Variants in OR2T6 observed in about 807,000 individuals in gnomAD.
The protein encoded by OR2T6 is olfactory receptor 2T6.
For synonymous variants in OR2T6, 174 were observed against 148.0 expected, an observed-to-expected ratio of 1.18 and a Z score of -1.27; for missense variants, 424 against 391.6, an observed-to-expected ratio of 1.08 and a Z score of -0.70.
Position 248,382,532 on chromosome 1 carries a change from C to CTTTTTTTTTTTTTTTTTTTTTTTTT in OR2T6, c.-158-2176_-158-2175insTTTTTTTTTTTTTTTTTTTTTTTTT, listed in dbSNP as rs773197375. Among the ~76,000 whole-genome samples, 6 of 117,288 alleles carry CTTTTTTTTTTTTTTTTTTTTTTTTT rather than the reference C, an allele frequency of 5.1e-5. 2 individuals are homozygous for CTTTTTTTTTTTTTTTTTTTTTTTTT. The highest frequency in any genetic ancestry group is 1.8e-4 in the Admixed American group (2 of 10,830). 76.9% of individuals were successfully genotyped at this position (117,288 alleles called of 152,430 possible). A position where few individuals can be genotyped will look rare whatever the true frequency, so the allele number is the denominator to read the frequency against. On this transcript the variant is annotated intron_variant, in intron 1 of 2. Coordinates refer to ENST00000641644, the MANE Select transcript of OR2T6 (RefSeq NM_001005471.2). Reference sequence around the variant, plus strand: ...CAATACTCCATGTCTACCTTTCTTTCTTTCTTTTTTTTTTTTTTTAGATGG... The same window carrying CTTTTTTTTTTTTTTTTTTTTTTTTT: ...CAATACTCCATGTCTACCTTTCTTTCTTTTTTTTTTTTTTTTTTTTTTTTTTTTCTTTTTTTTTTTTTTTAGATGG...
Position 248,388,066 on chromosome 1 carries a change from C to CT in OR2T6, c.461dup (p.Leu154PhefsTer27). The CT allele has an allele frequency of 6.2e-7, 1 of 1,614,004 alleles. No homozygotes were observed. The highest frequency in any genetic ancestry group is 8.5e-7 in the Non-Finnish European group (1 of 1,179,992). ...CTGGCCAGCTCTTGGTTCGGTGGGG[C>CT]TTTGGACAGTTTTCTCCTCACCCCC... On this transcript the variant is annotated frameshift_variant, in exon 3 of 3. Coordinates refer to ENST00000641644, the MANE Select transcript of OR2T6 (RefSeq NM_001005471.2). LOFTEE classifies it low-confidence loss of function (END_TRUNC).
chr1:248,380,800 A>T (rs923377491), intron 1 of OR2T6, among the ~76,000 whole-genome samples: 1 of 148,586 alleles, frequency 6.7e-6, no homozygotes, highest in Admixed American at 6.7e-5. Context: ...AAAAAAAAAG[A>T]GATTGTCCTA....
intron 1 of OR2T6, among the ~76,000 whole-genome samples, chr1:248,379,382 C>T (rs925020733): frequency 6.6e-6 from 1 of 152,116 alleles, no homozygotes; most frequent in African/African-American, 2.4e-5. Context: ...GCTCCTGAGT[C>T]AGGCTATTTT....
At chr1:248,381,562 T>C (rs1337842038) in intron 1 of OR2T6, among the ~76,000 whole-genome samples, 3 of 152,190 alleles carry the variant, frequency 2.0e-5, no homozygotes, top group South Asian at 4.1e-4. Context: ...TTTGCATGTA[T>C]AGTATTAGCA....
intron 1 of OR2T6, among the ~76,000 whole-genome samples, chr1:248,377,596 C>T (rs755180585): frequency 1.2e-4 from 19 of 152,230 alleles, no homozygotes; most frequent in African/African-American, 3.6e-4. Context: ...TGTCAGAGCG[C>T]GTCACAGAAA....
Position 248,388,604 on chromosome 1 carries a change from T to TG in OR2T6, c.*73dup. 3 of 1,215,256 alleles carry TG rather than the reference T, an allele frequency of 2.5e-6. No homozygotes were observed. The South Asian group carries it at 4.6e-5, about 19-fold the overall frequency. The allele number at this position is 1,215,256 out of a possible 1,614,324, so 75.3% of individuals were successfully genotyped here. ...CCTCCACATCCTGTTCAGGCATATA[T>TG]GGGGTCGTATCATGGATACCACGGA... is the stretch of plus-strand genomic sequence containing the variant. On this transcript the variant is annotated 3_prime_UTR_variant, in exon 3 of 3. Transcript: ENST00000641644.
chr1:248,388,761 ATTC>A lies in OR2T6; in HGVS notation c.*232_*234del, dbSNP rs551605782. On this transcript the variant is annotated 3_prime_UTR_variant, in exon 3 of 3. Coordinates refer to ENST00000641644, the MANE Select transcript of OR2T6 (RefSeq NM_001005471.2). ...AGTTCTAGAAACACCACTCATGTTTATTCTTCTTTTGTTTCTACTGATTCCAAG... is the reference window on the plus strand; with the variant it reads ...AGTTCTAGAAACACCACTCATGTTTATTCTTTTGTTTCTACTGATTCCAAG... 75 of 442,302 alleles carry A rather than the reference ATTC, an allele frequency of 1.7e-4. No homozygotes were observed. Among genetic ancestry groups the A allele is most frequent in the African/African-American group, 1.3e-3 (68 of 50,964 alleles). 27.4% of individuals were successfully genotyped at this position (442,302 alleles called of 1,614,324 possible).
rs750014817 is a variant in OR2T6 at position 248,387,998 on chromosome 1, G to A, written c.390G>A (p.Leu130=). 1.1e-5 allele frequency: 17 copies of A among 1,612,242 alleles called. No homozygotes were observed. The highest frequency in any genetic ancestry group is 1.4e-5 in the Non-Finnish European group (17 of 1,179,074). The change falls in exon 3 of 3, where the codon CTG becomes CTA. Residue 130 remains leucine (L), a synonymous_variant. Coordinates refer to ENST00000641644, the MANE Select transcript of OR2T6 (RefSeq NM_001005471.2). ...GCTACGTGGCCATCTGCAACCCACT[G>A]CGCTATCCTGTCCTCATCAGCTGGC... is the stretch of plus-strand genomic sequence containing the variant. ...YDRYVAICNP[L]RYPVLISWRV... is the part of the protein sequence containing the mutation.
intron 1 of OR2T6, among the ~76,000 whole-genome samples, chr1:248,381,207 C>T (rs1262442219): frequency 1.3e-5 from 2 of 151,758 alleles, no homozygotes; most frequent in East Asian, 1.9e-4. Context: ...ATTTTAATAC[C>T]AGTAACTGAT....
Position 248,388,347 on chromosome 1 carries a change from G to C in OR2T6, c.739G>C (p.Val247Leu), listed in dbSNP as rs1218675147. ...AFATCSSHMMVVTLFYGAALY... is the reference protein window; with the variant it reads ...AFATCSSHMMLVTLFYGAALY... Reference sequence around the variant, plus strand: ...TGCCACCTGCTCTTCACACATGATGGTGGTGACATTGTTCTATGGGGCTGC... The same window carrying C: ...TGCCACCTGCTCTTCACACATGATGCTGGTGACATTGTTCTATGGGGCTGC... The change falls in exon 3 of 3, where the codon GTG becomes CTG. Residue 247 changes from valine (V) to leucine (L), a missense_variant. Physicochemically the swap from Val to Leu is conservative, Grantham distance 32 (BLOSUM62 1). Coordinates refer to ENST00000641644, the MANE Select transcript of OR2T6 (RefSeq NM_001005471.2). The C allele has an allele frequency of 4.3e-6, 7 of 1,613,446 alleles. No homozygotes were observed. In the African/African-American group the frequency reaches 8.0e-5, roughly 18 times the overall value.
chr1:248,387,919 A>G lies in OR2T6; in HGVS notation c.311A>G (p.Tyr104Cys). 6.2e-7 allele frequency: 1 copy of G among 1,605,116 alleles called. No individual in the cohort carries two copies. The highest frequency in any genetic ancestry group is 8.5e-7 in the Non-Finnish European group (1 of 1,175,990). The part of the protein sequence containing the change: ...FIACTAQCFL[Y>C]MGFMGAEFFL... Reference sequence around the variant, plus strand: ...GCCTGCACTGCTCAGTGCTTTCTCTACATGGGCTTTATGGGGGCTGAATTC... The same window carrying G: ...GCCTGCACTGCTCAGTGCTTTCTCTGCATGGGCTTTATGGGGGCTGAATTC... Residue 104 changes from tyrosine (Y) to cysteine (C), a missense_variant, in exon 3 of 3, where the codon TAC becomes TGC. Transcript: ENST00000641644.
rs763446327 is a variant in OR2T6 at position 248,387,599 on chromosome 1, A to G, written c.-4-6A>G. 2 of 1,543,806 alleles carry G rather than the reference A, an allele frequency of 1.3e-6. No homozygotes were observed. The highest frequency in any genetic ancestry group is 1.8e-6 in the Non-Finnish European group (2 of 1,134,928). ...TTCTCTTCTTATGCCTCCATTTCAA[A>G]CTCAGTACCATGAATGAAAACAATG... is the stretch of plus-strand genomic sequence containing the variant. On this transcript the variant is annotated splice_region_variant and splice_polypyrimidine_tract_variant and intron_variant, in intron 2 of 2. Coordinates refer to ENST00000641644, the MANE Select transcript of OR2T6 (RefSeq NM_001005471.2).
In OR2T6 at chr1:248,389,923, G is replaced by A. The variant is rs1661220309; in HGVS notation, c.*1388G>A. The A allele has an allele frequency of 2.0e-5, 3 of 152,142 alleles. No individual in the cohort carries two copies. In the South Asian group the frequency reaches 6.2e-4, roughly 32 times the overall value. 9.4% of individuals were successfully genotyped at this position (152,142 alleles called of 1,614,324 possible). A position where few individuals can be genotyped will look rare whatever the true frequency, so the allele number is the denominator to read the frequency against. ...TGGTCCACTGGTCTTGCAAGAAAGA[G>A]TCTCTGAGGTGGCAGAGACTTCAGC... On this transcript the variant is annotated 3_prime_UTR_variant, in exon 3 of 3. Coordinates refer to ENST00000641644, the MANE Select transcript of OR2T6 (RefSeq NM_001005471.2).
chr1:248,380,040 A>T (rs1661005144), intron 1 of OR2T6, among the ~76,000 whole-genome samples: 1 of 151,892 alleles, frequency 6.6e-6, no homozygotes, highest in Non-Finnish European at 1.5e-5. Context: ...TATGCATTAT[A>T]TCTACTTATA....
intron 2 of OR2T6, among the ~76,000 whole-genome samples, chr1:248,387,386 A>G (rs78752011): frequency 0.045 from 6,818 of 152,286 alleles, 520 homozygotes; most frequent in African/African-American, 0.15. Flanking sequence ...ACATTCATTC[A>G]TCTTCATCCC....
chr1:248,381,196 C>A (rs1661023937), intron 1 of OR2T6, among the ~76,000 whole-genome samples: 1 of 151,792 alleles, frequency 6.6e-6, no homozygotes, highest in Non-Finnish European at 1.5e-5. Flanking sequence ...TCTTTTAACT[C>A]ATTTTAATAC....
Position 248,388,013 on chromosome 1 carries a change from C to T in OR2T6, c.405C>T (p.Leu135=). The change falls in exon 3 of 3, where the codon CTC becomes CTT. Residue 135 remains leucine (L), a synonymous_variant. Coordinates refer to ENST00000641644, the MANE Select transcript of OR2T6 (RefSeq NM_001005471.2). ...AICNPLRYPV[L]ISWRVCWMIL... is the part of the protein sequence containing the mutation. ...GCAACCCACTGCGCTATCCTGTCCTCATCAGCTGGCGGGTCTGCTGGATGA... is the reference window on the plus strand; with the variant it reads ...GCAACCCACTGCGCTATCCTGTCCTTATCAGCTGGCGGGTCTGCTGGATGA... 1 of 1,613,300 alleles carries T rather than the reference C, an allele frequency of 6.2e-7. No homozygotes were observed. The highest frequency in any genetic ancestry group is 8.5e-7 in the Non-Finnish European group (1 of 1,179,594).
rs754929190 is a variant in OR2T6, at chr1:248,387,802, A to G, written c.194A>G (p.His65Arg). Residue 65 changes from histidine to arginine, a missense_variant, in exon 3 of 3, where the codon CAC becomes CGC. Physicochemically the swap from His to Arg is conservative, Grantham distance 29 (BLOSUM62 0). Transcript: ENST00000641644. ...LHTPMYFLLS[H>R]LSVIDTLYIS... Reference sequence around the variant, plus strand: ...ACCCCCATGTACTTCCTCCTCAGCCACCTCTCCGTCATTGACACATTATAC... The same window carrying G: ...ACCCCCATGTACTTCCTCCTCAGCCGCCTCTCCGTCATTGACACATTATAC... The G allele has an allele frequency of 6.2e-7, 1 of 1,609,554 alleles. No homozygotes were observed. Among genetic ancestry groups the G allele is most frequent in the Non-Finnish European group, 8.5e-7 (1 of 1,176,664 alleles).
chr1:248,379,800 C>A (rs1039600963), intron 1 of OR2T6, among the ~76,000 whole-genome samples: 1 of 151,982 alleles, frequency 6.6e-6, no homozygotes, highest in African/African-American at 2.4e-5. Flanking sequence ...TTTGGGAAAG[C>A]AGAATTCCAT....
Sources: allele counts gnomAD v4.1 joint callset (sites outside exome capture counted in the v4.1 genomes callset), GRCh38; gene constraint gnomAD v4.1.1; transcripts MANE v1.5; gene names NCBI Gene and HGNC (gene_info 2026-07-23, HGNC 2026-07-21).